The following DGKD variants were observed in gnomAD, a reference collection of about 807,000 sequenced individuals.
DGKD encodes diacylglycerol kinase delta, also known as DAG kinase delta.
In DGKD, 68 loss-of-function variants were observed where a neutral mutation model predicts 154.4. The ratio of observed to expected loss-of-function variants is 0.44; its 90% CI spans 0.36 to 0.54. The LOEUF is 0.54. Among genes scored for constraint, DGKD ranks in the 20% least tolerant of loss-of-function variants. The pLI is 0.00. For synonymous variants in DGKD, 693 were observed against 638.0 expected (o/e 1.09, Z -1.30); for missense variants, 1,343 against 1,593.6 (o/e 0.84, Z 2.68).
At chr2:233,372,256 A>G (rs1702359508) in intron 1 of DGKD, among the ~76,000 whole-genome samples, 1 of 152,200 alleles carries the variant, frequency 6.6e-6, no homozygotes, top group Admixed American at 6.5e-5. Flanking sequence ...CCTGGGCTCA[A>G]GCAATCCGCC....
rs368023821 is a variant in DGKD, at chr2:233,434,375, T to G, written c.349-5T>G. On this transcript the variant is annotated splice_region_variant and splice_polypyrimidine_tract_variant and intron_variant, in intron 3 of 29. Coordinates refer to ENST00000264057, the MANE Select transcript of DGKD (RefSeq NM_152879.3). ...TGGATCTGTTGAACCTGTTTCTTTC[T>G]CTAGGTCATAACTCCATGCAGGAAG... 3.5e-5 allele frequency: 56 copies of G among 1,612,726 alleles called. No individual in the cohort carries two copies. Among genetic ancestry groups the G allele is most frequent in the Non-Finnish European group, 3.8e-5 (45 of 1,178,976 alleles).
chr2:233,451,197 G>T (rs1017563426), intron 17 of DGKD, 147 bp downstream of exon 17: 3 of 790,514 alleles, frequency 3.8e-6, no homozygotes, highest in Non-Finnish European at 5.4e-6. Flanking sequence ...ACGACTGTAT[G>T]AAAAGTGCTT....
At chr2:233,405,647 T>C (rs1466788826) in intron 3 of DGKD, among the ~76,000 whole-genome samples, 1 of 152,218 alleles carries the variant, frequency 6.6e-6, no homozygotes, top group Non-Finnish European at 1.5e-5. Flanking sequence ...CTCCCCCTTG[T>C]TCTCACTGTC....
In DGKD at chr2:233,449,272, C is replaced by A. The variant is rs747401937; in HGVS notation, c.1784C>A (p.Ala595Asp). Residue 595 changes from alanine to aspartate, a missense_variant, in exon 15 of 30, where the codon GCT becomes GAT. Ala to Asp is a moderately radical substitution (Grantham distance 126). This residue lies in a region of DGKD where 409 missense variants were observed against 446.0 expected (regional missense o/e 0.92). Coordinates refer to ENST00000264057, the MANE Select transcript of DGKD (RefSeq NM_152879.3). The surrounding 1 kb of genome is among the most constrained non-coding windows in gnomAD (Gnocchi z 5.3). ...ACCGGAGACCGCTTGGTGGCATCAG[C>A]TTGCCCGGCCCGGCCGCAGATATTC... is the stretch of plus-strand genomic sequence containing the variant. ...GSTGDRLVAS[A>D]CPARPQIFRP... The A allele has an allele frequency of 1.2e-5, 19 of 1,613,414 alleles. No homozygotes were observed. The highest frequency in any genetic ancestry group is 1.4e-5 in the Non-Finnish European group (16 of 1,179,732).
At chr2:233,430,432 G>A (rs571206320) in intron 3 of DGKD, among the ~76,000 whole-genome samples, 5 of 152,262 alleles carry the variant, frequency 3.3e-5, no homozygotes, top group South Asian at 2.1e-4. Context: ...AGTGATGGCC[G>A]GGATATGTAA....
At position 233,440,537 on chromosome 2, in the gene DGKD, C is replaced by A. The variant is rs1011462366; in HGVS notation, c.1086-1350C>A. ...AGTCAAACTGGGCGTCCTTCCACGTCTCCCCGAGCTGGCATCCGAGGAGCT... is the reference window on the plus strand; with the variant it reads ...AGTCAAACTGGGCGTCCTTCCACGTATCCCCGAGCTGGCATCCGAGGAGCT... On this transcript the variant is annotated intron_variant, in intron 9 of 29. Coordinates refer to ENST00000264057, the MANE Select transcript of DGKD (RefSeq NM_152879.3). The surrounding 1 kb of genome is among the most constrained non-coding windows in gnomAD (Gnocchi z 4.9). Among the ~76,000 whole-genome samples, 1 of 152,196 alleles carries A rather than the reference C, an allele frequency of 6.6e-6. No homozygotes were observed. The highest frequency in any genetic ancestry group is 2.4e-5 in the African/African-American group (1 of 41,456).
intron 26 of DGKD, chr2:233,463,914 C>T: frequency 2.0e-6 from 1 of 493,932 alleles, no homozygotes; most frequent in Non-Finnish European, 3.7e-6. Flanking sequence ...ACAAGCAGGT[C>T]AGTTGTCAGC....
intron 3 of DGKD, among the ~76,000 whole-genome samples, chr2:233,426,933 G>C (rs975465328): frequency 5.9e-5 from 9 of 152,148 alleles, no homozygotes; most frequent in Admixed American, 2.6e-4. Flanking sequence ...TGAGCACCGG[G>C]TCATGTGCTT....
chr2:233,361,035 T>C (rs1701758455), intron 1 of DGKD, among the ~76,000 whole-genome samples: 1 of 135,258 alleles, frequency 7.4e-6, no homozygotes, highest in Non-Finnish European at 1.7e-5. Flanking sequence ...CTTGAAGTTT[T>C]ATGGCAGCCC....
In DGKD at chr2:233,470,824, GGA is replaced by G. The variant is rs1559194821; in HGVS notation, c.*1365_*1366del. On this transcript the variant is annotated 3_prime_UTR_variant, in exon 30 of 30. Coordinates refer to ENST00000264057, the MANE Select transcript of DGKD (RefSeq NM_152879.3). The stretch of plus-strand genomic sequence containing the variant: ...GCTTCTCTTTGGCTCCCAAAGAGAA[GGA>G]CAGTGTTGGGAGTATCTGCCGTGGC... 5.2e-5 allele frequency: 8 copies of G among 152,574 alleles called. No homozygotes were observed. The highest frequency in any genetic ancestry group is 3.4e-3 in the Middle Eastern group (1 of 294). The allele number at this position is 152,574 out of a possible 1,614,324, so 9.5% of individuals were successfully genotyped here.
chr2:233,439,225 G>A, intron 9 of DGKD, among the ~76,000 whole-genome samples: 1 of 152,234 alleles, frequency 6.6e-6, no homozygotes, highest in Middle Eastern at 3.2e-3. Context: ...AGTGCCTGCA[G>A]AGCCTGTGGT....
intron 17 of DGKD, 85 bp from the exon 18 acceptor site, chr2:233,451,879 C>G: frequency 9.1e-7 from 1 of 1,103,198 alleles, no homozygotes. Context: ...TGCAGAATAC[C>G]GGTCCACCAG....
Position 233,450,351 on chromosome 2 carries a change from C to T in DGKD, c.2038+220C>T, listed in dbSNP as rs113735500. On this transcript the variant is annotated intron_variant, in intron 16 of 29. Transcript: ENST00000264057. ...TCTTGGTGGACAGCAGTAGAACCCG[C>T]GAGACCCCCTCCATCAGGGCGAGGA... is the stretch of plus-strand genomic sequence containing the variant. Among the ~76,000 whole-genome samples the T allele has an allele frequency of 7.2e-3, 1,103 of 152,216 alleles. 12 individuals are homozygous for T. The highest frequency in any genetic ancestry group is 0.025 in the African/African-American group (1,026 of 41,532).
rs1559539258 is a variant in DGKD, at chr2:233,432,166, CGG to C, written c.349-2213_349-2212del. On this transcript the variant is annotated intron_variant, in intron 3 of 29. Coordinates refer to ENST00000264057, the MANE Select transcript of DGKD (RefSeq NM_152879.3). ...CAGCACTTTGGGAGGCCAAGGTGGGCGGATCACGAGGTCAGGAGATCGTGACC... is the reference window on the plus strand; with the variant it reads ...CAGCACTTTGGGAGGCCAAGGTGGGCATCACGAGGTCAGGAGATCGTGACC... Among the ~76,000 whole-genome samples the C allele has an allele frequency of 1.2e-3, 180 of 145,034 alleles. 1 individual carries two copies. Among genetic ancestry groups the C allele is most frequent in the Non-Finnish European group, 1.8e-3 (119 of 67,804 alleles).
At chr2:233,366,441 G>A (rs1702033417) in intron 1 of DGKD, among the ~76,000 whole-genome samples, 1 of 152,092 alleles carries the variant, frequency 6.6e-6, no homozygotes, top group Non-Finnish European at 1.5e-5. Context: ...TGGGTGTTGG[G>A]GGAGAGGAGG....
At chr2:233,367,840 CTT>C (rs1409097749) in intron 1 of DGKD, among the ~76,000 whole-genome samples, 2 of 132,740 alleles carry the variant, frequency 1.5e-5, no homozygotes. Context: ...TTTTCTTCCT[CTT>C]TTTTTTTTCT....
At chr2:233,394,589 T>C (rs1163424713) in intron 3 of DGKD, among the ~76,000 whole-genome samples, 1 of 152,062 alleles carries the variant, frequency 6.6e-6, no homozygotes, top group Admixed American at 6.5e-5. Context: ...TATTTCTAAG[T>C]CTTCTTTTCT....
chr2:233,398,655 C>T (rs1037463852), intron 3 of DGKD, among the ~76,000 whole-genome samples: 1 of 152,118 alleles, frequency 6.6e-6, no homozygotes, highest in Non-Finnish European at 1.5e-5. Context: ...GAGACAGTCT[C>T]ACTGTGTCGC....
chr2:233,462,595 G>A (rs1559182077), intron 25 of DGKD, 48 bp from the exon 26 acceptor site: 1 of 1,584,460 alleles, frequency 6.3e-7, no homozygotes, highest in Non-Finnish European at 8.7e-7. Flanking sequence ...CCCTAACCGT[G>A]CATGTTCGGC....
Sources: allele counts gnomAD v4.1 joint callset (sites outside exome capture counted in the v4.1 genomes callset), GRCh38; gene constraint gnomAD v4.1.1; regional missense constraint gnomAD v4.1.1; non-coding constraint Gnocchi (gnomAD v3.1); transcripts MANE v1.5; gene names NCBI Gene and HGNC (gene_info 2026-07-23, HGNC 2026-07-21).